ARHGAP25: variants seen among roughly 807,000 people sequenced by gnomAD.
ARHGAP25 encodes the protein Rho GTPase activating protein 25, also known as rho GTPase-activating protein 25.
A neutral mutation model predicts 71.0 loss-of-function variants in ARHGAP25; 34 were observed. The observed-to-expected ratio is 0.48, with a 90% CI of 0.36 to 0.64. The LOEUF (loss-of-function observed/expected upper bound fraction) is 0.64, where lower values mean the gene tolerates loss of function less well. Ranked by LOEUF, ARHGAP25 falls within the 30% of genes least tolerant of loss-of-function variation. The pLI, the probability that ARHGAP25 is intolerant of heterozygous loss-of-function variation, is 0.00. For missense variants in ARHGAP25, 706 were observed against 805.1 expected (o/e 0.88, Z 1.49); for synonymous variants, 282 against 296.5 (o/e 0.95, Z 0.50).
chr2:68,820,554 G>A (rs1655855412), intron 9 of ARHGAP25, among the ~76,000 whole-genome samples: 1 of 152,042 alleles, frequency 6.6e-6, no homozygotes, highest in South Asian at 2.1e-4. Context: ...TTTATGTTTA[G>A]GTCTCACTTG....
chr2:68,788,033 C>A, intron 4 of ARHGAP25, 77 bp downstream of exon 4: 3 of 1,163,202 alleles, frequency 2.6e-6, no homozygotes, highest in Non-Finnish European at 3.9e-6. Flanking sequence ...AATGTGATAG[C>A]TCCTTGAGCA....
intron 3 of ARHGAP25, among the ~76,000 whole-genome samples, chr2:68,787,471 C>CGT (rs1174613180): frequency 6.6e-6 from 1 of 152,224 alleles, no homozygotes; most frequent in Admixed American, 6.5e-5. Flanking sequence ...CCACGGTTGG[C>CGT]GTGATGATCT....
chr2:68,816,206 A>T, intron 6 of ARHGAP25, 83 bp from the exon 7 acceptor site: 1 of 1,136,728 alleles, frequency 8.8e-7, no homozygotes, highest in Admixed American at 1.7e-5. Context: ...CAGATACACC[A>T]ATTCTGTCCC....
intron 9 of ARHGAP25, among the ~76,000 whole-genome samples, chr2:68,821,906 G>GT (rs59964574): frequency 0.21 from 16,979 of 81,400 alleles, 1,804 homozygotes; most frequent in East Asian, 0.34. Flanking sequence ...CTTTTTGCTA[G>GT]TTTTTTTTTT....
At chr2:68,755,807 T>C (rs1676449025) in intron 1 of ARHGAP25, among the ~76,000 whole-genome samples, 1 of 152,234 alleles carries the variant, frequency 6.6e-6, no homozygotes, top group Admixed American at 6.5e-5. Context: ...TTTGATTTGT[T>C]CTTGAGCACA....
At chr2:68,758,559 T>C (rs543097360) in intron 1 of ARHGAP25, among the ~76,000 whole-genome samples, 2 of 151,960 alleles carry the variant, frequency 1.3e-5, no homozygotes, top group East Asian at 3.9e-4. Context: ...TGAGAAGATA[T>C]AACAATAATA....
chr2:68,760,291 C>A (rs1283128648), intron 1 of ARHGAP25, among the ~76,000 whole-genome samples: 1 of 152,002 alleles, frequency 6.6e-6, no homozygotes, highest in Non-Finnish European at 1.5e-5. Context: ...GCAAGGATGT[C>A]CACTTTTGCA....
intron 2 of ARHGAP25, among the ~76,000 whole-genome samples, chr2:68,718,267 C>A (rs902486505): frequency 6.6e-6 from 1 of 152,064 alleles, no homozygotes; most frequent in Non-Finnish European, 1.5e-5. Context: ...TTTTCTTTTT[C>A]TGGAGGATCT....
intron 1 of ARHGAP25, among the ~76,000 whole-genome samples, chr2:68,745,607 A>T (rs1675768965): frequency 1.3e-5 from 2 of 152,226 alleles, no homozygotes; most frequent in Middle Eastern, 3.4e-3. Flanking sequence ...GGAGAAGATC[A>T]CCCCTGAGCT....
chr2:68,714,405 A>G (rs917449709), intron 2 of ARHGAP25, among the ~76,000 whole-genome samples: 5 of 151,932 alleles, frequency 3.3e-5, no homozygotes, highest in Non-Finnish European at 5.9e-5. Context: ...TTAGTGGTCT[A>G]TGTATTTTGT....
chr2:68,768,710 T>A (rs1175398357), intron 1 of ARHGAP25, among the ~76,000 whole-genome samples: 2 of 152,206 alleles, frequency 1.3e-5, no homozygotes, highest in African/African-American at 4.8e-5. Context: ...CACTTGCACC[T>A]CTTTTCTCCC....
intron 2 of ARHGAP25, among the ~76,000 whole-genome samples, chr2:68,722,199 C>T (rs925898754): frequency 5.3e-5 from 8 of 152,228 alleles, no homozygotes; most frequent in Admixed American, 3.9e-4. Flanking sequence ...ACTAGTTATT[C>T]AGCTTATTTT....
intron 4 of ARHGAP25, among the ~76,000 whole-genome samples, chr2:68,795,319 G>A (rs1679463848): frequency 1.3e-5 from 2 of 151,856 alleles, no homozygotes; most frequent in South Asian, 4.1e-4. Flanking sequence ...TTTTGAGTTT[G>A]GTCTGTTCTT....
At chr2:68,739,614 T>C (rs1226880270) in intron 1 of ARHGAP25, among the ~76,000 whole-genome samples, 1 of 152,138 alleles carries the variant, frequency 6.6e-6, no homozygotes, top group African/African-American at 2.4e-5. Context: ...TGAACTTGTG[T>C]TAAGATACAA....
chr2:68,800,268 T>G (rs1679872835), intron 4 of ARHGAP25, among the ~76,000 whole-genome samples: 2 of 151,836 alleles, frequency 1.3e-5, no homozygotes, highest in South Asian at 4.2e-4. Flanking sequence ...GTCCTGATCT[T>G]AGGAGTGTTT....
Position 68,816,339 on chromosome 2 carries a change from T to C in ARHGAP25, c.858T>C (p.Tyr286=). ...TCTCCATCCTTCCTCGTGACAACTA[T>C]AGTCTCCTGAGCTACATCTGCAGGT... ...KQLSILPRDN[Y]SLLSYICRFL... is the part of the protein sequence containing the mutation. The change falls in exon 7 of 11, where the codon TAT becomes TAC. Residue 286 remains tyrosine (Y), a synonymous_variant. Coordinates refer to ENST00000409202, the MANE Select transcript of ARHGAP25 (RefSeq NM_001007231.3). 3 of 1,613,830 alleles carry C rather than the reference T, an allele frequency of 1.9e-6. No homozygotes were observed. Among genetic ancestry groups the C allele is most frequent in the Non-Finnish European group, 1.7e-6 (2 of 1,179,716 alleles).
At chr2:68,802,301 G>A (rs1024519622) in intron 4 of ARHGAP25, among the ~76,000 whole-genome samples, 8 of 151,366 alleles carry the variant, frequency 5.3e-5, no homozygotes, top group South Asian at 2.1e-4. Context: ...CCAGCTACTC[G>A]GGAGGCTTAG....
intron 1 of ARHGAP25, among the ~76,000 whole-genome samples, chr2:68,763,121 G>A (rs1558620812): frequency 6.6e-6 from 1 of 152,214 alleles, no homozygotes; most frequent in Non-Finnish European, 1.5e-5. Flanking sequence ...GTCACTAGCT[G>A]TAACCAAGAC....
intron 8 of ARHGAP25, 22 bp from the exon 9 acceptor site, chr2:68,819,101 A>T (rs777934913): frequency 1.8e-5 from 28 of 1,525,912 alleles, no homozygotes; most frequent in Non-Finnish European, 2.3e-5. Context: ...TACACAACAG[A>T]TCTTTTTCTT....
Sources: gnomAD v4.1 joint callset for allele counts (sites outside exome capture counted in the v4.1 genomes callset) on GRCh38, gnomAD v4.1.1 for gene constraint, MANE v1.5 for transcripts, NCBI Gene and HGNC (gene_info 2026-07-23, HGNC 2026-07-21) for gene names.